Variants in CFAP206 observed in about 807,000 individuals in gnomAD.
The protein encoded by CFAP206 is cilia and flagella associated protein 206.
In CFAP206, 53 loss-of-function variants were observed where a neutral mutation model predicts 65.4. The ratio of observed to expected loss-of-function variants is 0.81; its 90% CI spans 0.65 to 1.02. The LOEUF is 1.02. CFAP206 is among the 50% of genes least tolerant of loss of function. CFAP206 has a pLI of 0.00. For synonymous variants in CFAP206, 250 were observed against 254.4 expected, an observed-to-expected ratio of 0.98 and a Z score of 0.17; for missense variants, 663 against 753.2, an observed-to-expected ratio of 0.88 and a Z score of 1.40.
chr6:87,423,437 A>C (rs1356666943), intron 7 of CFAP206, among the ~76,000 whole-genome samples: 3 of 150,272 alleles, frequency 2.0e-5, no homozygotes, highest in Non-Finnish European at 4.4e-5. Flanking sequence ...CTTAGTAGAG[A>C]TGGGGTTTCA....
chr6:87,415,602 A>G (rs1437610555), intron 4 of CFAP206, 84 bp from the exon 5 acceptor site: 2 of 1,231,808 alleles, frequency 1.6e-6, no homozygotes. Context: ...GAATTGCCAT[A>G]TCCAATCCAG....
intron 4 of CFAP206, 36 bp from the exon 5 acceptor site, chr6:87,415,650 T>A (rs1767812800): frequency 6.4e-7 from 1 of 1,571,234 alleles, no homozygotes. Context: ...ATTCTAAAAA[T>A]TAAATATATA....
At chr6:87,453,942 T>A (rs117682553) in intron 11 of CFAP206, among the ~76,000 whole-genome samples, 1 of 151,318 alleles carries the variant, frequency 6.6e-6, no homozygotes, top group Non-Finnish European at 1.5e-5. Context: ...AAAGACAGAG[T>A]AGCTGAATGG....
chr6:87,448,557 T>C (rs1582148912), intron 11 of CFAP206, among the ~76,000 whole-genome samples: 1 of 152,150 alleles, frequency 6.6e-6, no homozygotes, highest in African/African-American at 2.4e-5. Context: ...AAATAAATTT[T>C]TGTTAACTAT....
intron 4 of CFAP206, 143 bp downstream of exon 4, chr6:87,414,043 CGTTAGA>C: frequency 2.4e-6 from 1 of 423,096 alleles, no homozygotes; most frequent in Non-Finnish European, 4.1e-6. Context: ...AGGAATACAA[CGTTAGA>C]AATGCTAAAT....
In CFAP206 at chr6:87,418,203, A is replaced by T; in HGVS notation, c.632-5A>T. On this transcript the variant is annotated splice_region_variant and splice_polypyrimidine_tract_variant and intron_variant, in intron 6 of 12. Transcript: ENST00000369562. ...ATGGCTGCCTTTTCATACTCTTACA[A>T]ACAGTGCCAGCTGTTCTCCATGTAG... 2 of 1,613,914 alleles carry T rather than the reference A, an allele frequency of 1.2e-6. No homozygotes were observed. The highest frequency in any genetic ancestry group is 1.7e-6 in the Non-Finnish European group (2 of 1,179,926).
intron 1 of CFAP206, 68 bp downstream of exon 1, chr6:87,408,157 G>T: frequency 1.9e-5 from 16 of 837,214 alleles, no homozygotes; most frequent in Non-Finnish European, 2.2e-5. Context: ...AGCTTGGGGC[G>T]GCTGGCGGAG....
chr6:87,432,165 CT>C (rs746768634), intron 10 of CFAP206, among the ~76,000 whole-genome samples: 2 of 151,856 alleles, frequency 1.3e-5, no homozygotes, highest in Non-Finnish European at 2.9e-5. Flanking sequence ...TTATTTTTTT[CT>C]TTATTTCTTT....
chr6:87,455,886 AG>A (rs1328862117), intron 11 of CFAP206, among the ~76,000 whole-genome samples: 3 of 152,226 alleles, frequency 2.0e-5, no homozygotes, highest in Non-Finnish European at 4.4e-5. Context: ...AGCAAAGAAA[AG>A]CCAGGGACCC....
intron 7 of CFAP206, among the ~76,000 whole-genome samples, chr6:87,421,486 A>C (rs1004239619): frequency 6.6e-6 from 1 of 152,156 alleles, no homozygotes; most frequent in African/African-American, 2.4e-5. Context: ...ACACTGTCTC[A>C]AAAAGAAAAA....
rs1022606750 is a variant in CFAP206, at chr6:87,410,699, T to C, written c.192+31T>C. On this transcript the variant is annotated intron_variant, in intron 3 of 12. Coordinates refer to ENST00000369562, the MANE Select transcript of CFAP206 (RefSeq NM_001031743.3). ...TACCCAACAGTCCTCAAATTTGCAATTACTTATTCTCAGTTGTAAATACAA... is the reference window on the plus strand; with the variant it reads ...TACCCAACAGTCCTCAAATTTGCAACTACTTATTCTCAGTTGTAAATACAA... The C allele has an allele frequency of 4.0e-6, 6 of 1,502,820 alleles. No individual in the cohort carries two copies. The African/African-American group carries it at 8.3e-5, about 21-fold the overall frequency. 93.1% of individuals were successfully genotyped at this position (1,502,820 alleles called of 1,614,324 possible).
chr6:87,414,540 T>A (rs1767791909), intron 4 of CFAP206, among the ~76,000 whole-genome samples: 1 of 152,204 alleles, frequency 6.6e-6, no homozygotes, highest in Admixed American at 6.5e-5. Context: ...TCAAGCGATC[T>A]GTCTACGCCT....
intron 6 of CFAP206, 55 bp downstream of exon 6, chr6:87,416,882 GCA>G: frequency 2.1e-6 from 3 of 1,443,392 alleles, no homozygotes; most frequent in Non-Finnish European, 2.8e-6. Context: ...AATTTAACTT[GCA>G]CAGTGAGGAA....
chr6:87,428,279 T>A (rs996605936), intron 8 of CFAP206, among the ~76,000 whole-genome samples: 3 of 148,436 alleles, frequency 2.0e-5, no homozygotes, highest in African/African-American at 5.0e-5. Flanking sequence ...TGAGCTACTG[T>A]GCCTGGCCGT....
chr6:87,460,821 C>T (rs192505160), intron 11 of CFAP206, among the ~76,000 whole-genome samples: 3 of 152,050 alleles, frequency 2.0e-5, no homozygotes, highest in Admixed American at 2.0e-4. Flanking sequence ...AACAAAATCA[C>T]GAAGCCATAA....
At chr6:87,430,458 C>T (rs969540997) in intron 9 of CFAP206, among the ~76,000 whole-genome samples, 1 of 152,116 alleles carries the variant, frequency 6.6e-6, no homozygotes, top group African/African-American at 2.4e-5. Flanking sequence ...AATTACACAC[C>T]TTGTTATCAA....
chr6:87,455,372 T>C (rs1000837828), intron 11 of CFAP206, among the ~76,000 whole-genome samples: 1 of 152,092 alleles, frequency 6.6e-6, no homozygotes, highest in Non-Finnish European at 1.5e-5. Context: ...GAGAAGCTTA[T>C]AGCAATAACT....
At chr6:87,414,173 G>A (rs542201942) in intron 4 of CFAP206, among the ~76,000 whole-genome samples, 4 of 152,268 alleles carry the variant, frequency 2.6e-5, no homozygotes, top group Admixed American at 1.3e-4. Context: ...GCCCATTGAA[G>A]TTAAAAGTTT....
At position 87,436,993 on chromosome 6, in the gene CFAP206, C is replaced by T. The variant is rs980014688; in HGVS notation, c.1494+1940C>T. 1.6e-4 allele frequency among the ~76,000 whole-genome samples: 24 copies of T among 151,836 alleles called. 1 individual carries two copies. The highest frequency in any genetic ancestry group is 1.0e-3 in the Admixed American group (16 of 15,240). On this transcript the variant is annotated intron_variant, in intron 11 of 12. Coordinates refer to ENST00000369562, the MANE Select transcript of CFAP206 (RefSeq NM_001031743.3). ...TTATTGTTTGTTTTTTTTTCTGAGA[C>T]GGAGTCTTGCTCTGTTGCCCAGGCT...
Sources: allele counts gnomAD v4.1 joint callset (sites outside exome capture counted in the v4.1 genomes callset), GRCh38; gene constraint gnomAD v4.1.1; transcripts MANE v1.5; gene names NCBI Gene and HGNC (gene_info 2026-07-23, HGNC 2026-07-21).